The following DRC11 variants were observed in gnomAD, a reference collection of about 807,000 sequenced individuals.
DRC11 encodes the protein dynein regulatory complex subunit 11.
chr2:236,397,566 AAATTAGT>A, the DRC11 span, among the ~76,000 whole-genome samples: 1 of 152,238 alleles, frequency 6.6e-6, no homozygotes, highest in Non-Finnish European at 1.5e-5. This position sits in a 1 kb window ranked among gnomAD's most constrained non-coding sequence, Gnocchi z 5.0. Context: ...GGAAGAAAAC[AAATTAGT>A]AAGTTACCTG....
the DRC11 span, among the ~76,000 whole-genome samples, chr2:236,478,459 T>C: frequency 6.6e-6 from 1 of 152,224 alleles, no homozygotes; most frequent in Non-Finnish European, 1.5e-5. The surrounding 1 kb of genome is among the most constrained non-coding windows in gnomAD (Gnocchi z 5.9). Context: ...TAACACGTAC[T>C]ATATTCTGGA....
At chr2:236,466,574 A>G in the DRC11 span, among the ~76,000 whole-genome samples, 1 of 152,274 alleles carries the variant, frequency 6.6e-6, no homozygotes, top group East Asian at 1.9e-4. Context: ...GGAAGCTTAC[A>G]ATCATGATGG....
chr2:236,330,114 A>G, the DRC11 span, among the ~76,000 whole-genome samples: 26 of 152,262 alleles, frequency 1.7e-4, no homozygotes, highest in African/African-American at 2.9e-4. This position sits in a 1 kb window ranked among gnomAD's most constrained non-coding sequence, Gnocchi z 5.5. Flanking sequence ...AATATCAGCA[A>G]TTATGAACAG....
At chr2:236,440,503 T>C in the DRC11 span, among the ~76,000 whole-genome samples, 5 of 152,152 alleles carry the variant, frequency 3.3e-5, no homozygotes, top group East Asian at 3.9e-4. Context: ...AAAAAATAGT[T>C]TTAAATGTCA....
chr2:236,479,333 AT>A, the DRC11 span, among the ~76,000 whole-genome samples: 1 of 152,134 alleles, frequency 6.6e-6, no homozygotes, highest in Non-Finnish European at 1.5e-5. This position sits in a 1 kb window ranked among gnomAD's most constrained non-coding sequence, Gnocchi z 4.1. Flanking sequence ...AATTAAGTCC[AT>A]TTACATAAAA....
At chr2:236,376,794 T>C in the DRC11 span, among the ~76,000 whole-genome samples, 1 of 152,174 alleles carries the variant, frequency 6.6e-6, no homozygotes, top group Non-Finnish European at 1.5e-5. This position sits in a 1 kb window ranked among gnomAD's most constrained non-coding sequence, Gnocchi z 5.7. Flanking sequence ...TCATTAACAA[T>C]TCCCCATTTC....
the DRC11 span, among the ~76,000 whole-genome samples, chr2:236,424,636 C>T: frequency 6.7e-6 from 1 of 150,330 alleles, no homozygotes; most frequent in South Asian, 2.1e-4. Context: ...CATCACCTTA[C>T]ATGCTTAGCA....
chr2:236,499,735 C>A, the DRC11 span, among the ~76,000 whole-genome samples: 1 of 152,206 alleles, frequency 6.6e-6, no homozygotes, highest in Non-Finnish European at 1.5e-5. The surrounding 1 kb of genome is among the most constrained non-coding windows in gnomAD (Gnocchi z 4.7). Context: ...TGGCCTCCTG[C>A]ATTTTCTTGG....
chr2:236,375,261 T>C, the DRC11 span, among the ~76,000 whole-genome samples: 116 of 152,202 alleles, frequency 7.6e-4, no homozygotes, highest in Non-Finnish European at 1.3e-3. The surrounding 1 kb of genome is among the most constrained non-coding windows in gnomAD (Gnocchi z 4.2). Context: ...TTCCTGGAAA[T>C]TGACAGATCA....
the DRC11 span, among the ~76,000 whole-genome samples, chr2:236,500,641 C>T: frequency 2.6e-5 from 4 of 152,182 alleles, no homozygotes; most frequent in Non-Finnish European, 4.4e-5. This position sits in a 1 kb window ranked among gnomAD's most constrained non-coding sequence, Gnocchi z 6.3. Context: ...ATTAGGATTC[C>T]ACTTGGCACA....
chr2:236,333,375 CAT>C, the DRC11 span: 1 of 152,768 alleles, frequency 6.5e-6, no homozygotes, highest in African/African-American at 2.4e-5. The surrounding 1 kb of genome is among the most constrained non-coding windows in gnomAD (Gnocchi z 6.0). Flanking sequence ...GATCAGAAAA[CAT>C]AACCCATGGT....
chr2:236,389,825 GTTTCA>G, the DRC11 span, among the ~76,000 whole-genome samples: 1 of 152,056 alleles, frequency 6.6e-6, no homozygotes, highest in African/African-American at 2.4e-5. Context: ...TTGATTTCTA[GTTTCA>G]TTTCATTGCA....
At chr2:236,306,991 TA>T in the DRC11 span, among the ~76,000 whole-genome samples, 61 of 152,106 alleles carry the variant, frequency 4.0e-4, no homozygotes, top group African/African-American at 1.5e-3. This position sits in a 1 kb window ranked among gnomAD's most constrained non-coding sequence, Gnocchi z 5.9. Context: ...CCCCGTCCTA[TA>T]ATAAAGTGAG....
the DRC11 span, chr2:236,331,929 A>G: frequency 3.9e-6 from 1 of 258,456 alleles, no homozygotes; most frequent in East Asian, 7.4e-5. This position sits in a 1 kb window ranked among gnomAD's most constrained non-coding sequence, Gnocchi z 4.8. Context: ...GGAAATTTTC[A>G]TAAGGTGTAT....
chr2:236,484,008 A>AT, the DRC11 span, among the ~76,000 whole-genome samples: 2 of 152,206 alleles, frequency 1.3e-5, no homozygotes, highest in Non-Finnish European at 1.5e-5. Flanking sequence ...CACTTTATTT[A>AT]TTTTCCCTGA....
At chr2:236,482,028 G>A in the DRC11 span, among the ~76,000 whole-genome samples, 6 of 92,278 alleles carry the variant, frequency 6.5e-5, no homozygotes, top group Non-Finnish European at 1.4e-4. The surrounding 1 kb of genome is among the most constrained non-coding windows in gnomAD (Gnocchi z 4.5). Context: ...CATATTATAT[G>A]TATAATTCTA....
the DRC11 span, chr2:236,507,162 G>A: frequency 3.7e-6 from 5 of 1,365,090 alleles, no homozygotes; most frequent in South Asian, 3.6e-5. Context: ...GAGGAGAAAA[G>A]AAAAGAAAAA....
chr2:236,365,179 T>C, the DRC11 span, among the ~76,000 whole-genome samples: 1 of 151,582 alleles, frequency 6.6e-6, no homozygotes, highest in South Asian at 2.1e-4. The surrounding 1 kb of genome is among the most constrained non-coding windows in gnomAD (Gnocchi z 7.4). Context: ...GACACAAATG[T>C]GGAAAAGACT....
At chr2:236,486,689 G>C in the DRC11 span, 1 of 647,934 alleles carries the variant, frequency 1.5e-6, no homozygotes, top group Non-Finnish European at 2.7e-6. This position sits in a 1 kb window ranked among gnomAD's most constrained non-coding sequence, Gnocchi z 5.7. Context: ...GCAGGCTTCT[G>C]TACCATATGG....
Sources: gnomAD v4.1 joint callset for allele counts (sites outside exome capture counted in the v4.1 genomes callset) on GRCh38, gnomAD v4.1.1 for gene constraint, Gnocchi (gnomAD v3.1) non-coding constraint, MANE v1.5 for transcripts, NCBI Gene and HGNC (gene_info 2026-07-23, HGNC 2026-07-21) for gene names.